The following NAALADL2 variants were observed in gnomAD, a reference collection of about 807,000 sequenced individuals.
The protein encoded by NAALADL2 is inactive N-acetylated-alpha-linked acidic dipeptidase-like protein 2.
Under a neutral mutation model 87.2 loss-of-function variants are expected in NAALADL2, and 76 were observed. The ratio of observed to expected loss-of-function variants is 0.87; its 90% CI spans 0.72 to 1.05. The LOEUF is 1.05. Among genes scored for constraint, NAALADL2 ranks in the 50% least tolerant of loss-of-function variants. NAALADL2 has a pLI of 0.00. For missense variants in NAALADL2, 1,089 were observed against 945.8 expected, an observed-to-expected ratio of 1.15 and a Z score of -1.99; for synonymous variants, 354 against 331.0, an observed-to-expected ratio of 1.07 and a Z score of -0.75.
intron 1 of NAALADL2, among the ~76,000 whole-genome samples, chr3:175,088,014 A>G (rs1212212412): frequency 2.0e-5 from 3 of 152,012 alleles, no homozygotes; most frequent in Admixed American, 6.6e-5. Context: ...TTTTCTTTCC[A>G]TTACTGTATT....
chr3:174,488,638 A>G (rs189621789), intron 1 of NAALADL2, among the ~76,000 whole-genome samples: 309 of 152,076 alleles, frequency 2.0e-3, no homozygotes, highest in Non-Finnish European at 1.9e-3. Context: ...TTCTTAGTTG[A>G]CTGTTTTTTT....
At chr3:175,668,710 A>G (rs1461077478) in intron 11 of NAALADL2, among the ~76,000 whole-genome samples, 1 of 152,164 alleles carries the variant, frequency 6.6e-6, no homozygotes, top group Non-Finnish European at 1.5e-5. Context: ...CATCATAGCA[A>G]TATCAGTATT....
intron 3 of NAALADL2, among the ~76,000 whole-genome samples, chr3:174,742,117 T>G (rs1332879079): frequency 6.6e-6 from 1 of 151,742 alleles, no homozygotes; most frequent in Non-Finnish European, 1.5e-5. Context: ...AAAATATTTC[T>G]ACCCTAGGTA....
chr3:175,739,344 G>A (rs777164285), intron 12 of NAALADL2, among the ~76,000 whole-genome samples: 5 of 152,090 alleles, frequency 3.3e-5, no homozygotes, highest in Non-Finnish European at 7.4e-5. Flanking sequence ...TTCAAACCTT[G>A]TTAGCACATT....
chr3:174,512,732 G>T (rs1231337970), intron 1 of NAALADL2, among the ~76,000 whole-genome samples: 9 of 151,928 alleles, frequency 5.9e-5, no homozygotes, highest in Non-Finnish European at 1.3e-4. Context: ...TTCTTTCTCT[G>T]CTACCTCTTG....
chr3:175,190,148 A>AATATATAT (rs57688984), intron 2 of NAALADL2, among the ~76,000 whole-genome samples: 51 of 149,230 alleles, frequency 3.4e-4, no homozygotes, highest in African/African-American at 1.2e-3. Flanking sequence ...TGGCCTTGGC[A>AATATATAT]ATATATATAT....
chr3:174,848,871 A>G (rs188269919), intron 3 of NAALADL2, among the ~76,000 whole-genome samples: 103 of 152,348 alleles, frequency 6.8e-4, no homozygotes, highest in Non-Finnish European at 1.2e-3. Flanking sequence ...TGGGTTTTAC[A>G]GTATAGCTTA....
chr3:174,943,155 G>C (rs28810431), intron 1 of NAALADL2, among the ~76,000 whole-genome samples: 6,277 of 152,266 alleles, frequency 0.041, 438 homozygotes, highest in African/African-American at 0.14. Context: ...TTTCTCATCT[G>C]TGCATGTGAG....
intron 9 of NAALADL2, among the ~76,000 whole-genome samples, chr3:175,533,619 C>G (rs1157595207): frequency 2.6e-5 from 4 of 152,178 alleles, no homozygotes; most frequent in African/African-American, 7.2e-5. Context: ...CCACACGTCC[C>G]CATTCCAAGT....
At chr3:175,425,628 T>C (rs774675971) in intron 5 of NAALADL2, among the ~76,000 whole-genome samples, 1 of 152,148 alleles carries the variant, frequency 6.6e-6, no homozygotes, top group African/African-American at 2.4e-5. Flanking sequence ...TTTCTGTTTG[T>C]ATCTATAAGA....
chr3:175,460,272 C>G (rs111796329), intron 6 of NAALADL2: 1 of 441,792 alleles, frequency 2.3e-6, no homozygotes, highest in African/African-American at 2.0e-5. Context: ...AATAAACAGA[C>G]TCTATGCATA....
chr3:175,328,724 A>G (rs1761048118), intron 5 of NAALADL2, among the ~76,000 whole-genome samples: 1 of 152,212 alleles, frequency 6.6e-6, no homozygotes, highest in Admixed American at 6.5e-5. Flanking sequence ...TGATATTTAC[A>G]TATCTAGTCA....
chr3:174,568,998 G>A (rs1231857248), intron 2 of NAALADL2, among the ~76,000 whole-genome samples: 1 of 151,304 alleles, frequency 6.6e-6, no homozygotes, highest in Non-Finnish European at 1.5e-5. Context: ...TCCAATGCAT[G>A]CTATACCTTC....
At chr3:175,683,277 A>G (rs1387558370) in intron 11 of NAALADL2, among the ~76,000 whole-genome samples, 1 of 152,004 alleles carries the variant, frequency 6.6e-6, no homozygotes, top group Non-Finnish European at 1.5e-5. Context: ...TTGTGGTTCA[A>G]TTGTATTTTT....
At chr3:174,844,152 C>CT (rs1468793207) in intron 3 of NAALADL2, among the ~76,000 whole-genome samples, 2 of 152,080 alleles carry the variant, frequency 1.3e-5, no homozygotes, top group Non-Finnish European at 2.9e-5. Context: ...AGTTTCAGGT[C>CT]TTACATGTAT....
intron 5 of NAALADL2, among the ~76,000 whole-genome samples, chr3:175,336,023 C>T (rs2148819393): frequency 6.6e-6 from 1 of 152,176 alleles, no homozygotes; most frequent in East Asian, 1.9e-4. Flanking sequence ...TATATATTTA[C>T]AAAGATTGTG....
intron 3 of NAALADL2, among the ~76,000 whole-genome samples, chr3:174,771,745 A>G (rs1160278554): frequency 1.3e-5 from 2 of 152,300 alleles, no homozygotes; most frequent in South Asian, 2.1e-4. Flanking sequence ...GGTACAGGGG[A>G]AGAAACTACT....
intron 2 of NAALADL2, among the ~76,000 whole-genome samples, chr3:174,704,598 G>T (rs1276386120): frequency 6.6e-6 from 1 of 151,868 alleles, no homozygotes; most frequent in Non-Finnish European, 1.5e-5. Context: ...TACATACCAT[G>T]TGATGGAAGA....
intron 1 of NAALADL2, among the ~76,000 whole-genome samples, chr3:174,873,199 GTCTC>G (rs3884084): frequency 3.4e-3 from 508 of 148,484 alleles, no homozygotes; most frequent in African/African-American, 0.011. Flanking sequence ...CTCTCTGTCT[GTCTC>G]TCTCTCTCTC....
Sources: allele counts gnomAD v4.1 joint callset (sites outside exome capture counted in the v4.1 genomes callset), GRCh38; gene constraint gnomAD v4.1.1; transcripts MANE v1.5; gene names NCBI Gene and HGNC (gene_info 2026-07-23, HGNC 2026-07-21).